The following PTK2B variants were observed in gnomAD, a reference collection of about 807,000 sequenced individuals.
The protein encoded by PTK2B is protein-tyrosine kinase 2-beta.
In PTK2B, 71 loss-of-function variants were observed where a neutral mutation model predicts 142.9. The ratio of observed to expected loss-of-function variants is 0.50; its 90% CI spans 0.41 to 0.61. PTK2B has a LOEUF of 0.61. Ranked by LOEUF, PTK2B falls within the 20% of genes least tolerant of loss-of-function variation. The pLI, the probability that PTK2B is intolerant of heterozygous loss-of-function variation, is 0.00. For synonymous variants in PTK2B, 519 were observed against 503.4 expected, an observed-to-expected ratio of 1.03 and a Z score of -0.42; for missense variants, 1,105 against 1,320.4, an observed-to-expected ratio of 0.84 and a Z score of 2.53.
chr8:27,311,473 C>T (rs745762213), upstream of PTK2B: 3 of 577,404 alleles, frequency 5.2e-6, no homozygotes, highest in Admixed American at 3.6e-5. Flanking sequence ...CGGGGTGGGC[C>T]TTCTGCCCGC....
At chr8:27,425,902 C>T (rs545036412) in intron 5 of PTK2B, among the ~76,000 whole-genome samples, 1 of 152,184 alleles carries the variant, frequency 6.6e-6, no homozygotes, top group African/African-American at 2.4e-5. Flanking sequence ...ATTGGAGGTG[C>T]TTTATAAATG....
rs2241655 is a variant in PTK2B, at chr8:27,440,077, G to A, written c.1835-160G>A. 0.43 allele frequency among the ~76,000 whole-genome samples: 65,280 copies of A among 151,962 alleles called. 14,792 individuals are homozygous for A. Among genetic ancestry groups the A allele is most frequent in the African/African-American group, 0.56 (23,204 of 41,414 alleles). ...TGCAGAGGTAGGTCACTTGTCCCTC[G>A]GGCAGACCACCATGGTAGGCAGGAC... On this transcript the variant is annotated intron_variant, in intron 20 of 30. Coordinates refer to ENST00000346049, the MANE Select transcript of PTK2B (RefSeq NM_173176.3).
rs942254707 is a variant in PTK2B at position 27,432,377 on chromosome 8, C to T, written c.987+16C>T. On this transcript the variant is annotated intron_variant, in intron 10 of 30. Coordinates refer to ENST00000346049, the MANE Select transcript of PTK2B (RefSeq NM_173176.3). ...TGCCCCCCAGGTGAGTGTCTCTGGG[C>T]ACTGGGCACCTGGCAGCTCTGCAGG... The T allele has an allele frequency of 1.8e-5, 29 of 1,609,266 alleles. No individual in the cohort carries two copies. Among genetic ancestry groups the T allele is most frequent in the Non-Finnish European group, 2.5e-5 (29 of 1,176,564 alleles).
chr8:27,345,664 C>T (rs907888709), intron 1 of PTK2B, among the ~76,000 whole-genome samples: 3 of 152,184 alleles, frequency 2.0e-5, no homozygotes, highest in Admixed American at 6.5e-5. Context: ...ACCCAGTAAC[C>T]TATTTGTGCA....
intron 1 of PTK2B, among the ~76,000 whole-genome samples, chr8:27,368,071 CTG>C (rs1806124634): frequency 6.6e-6 from 1 of 152,238 alleles, no homozygotes; most frequent in African/African-American, 2.4e-5. Context: ...GGATGGGCCT[CTG>C]TGGGCCCAAA....
At chr8:27,359,485 G>A (rs893488691) in intron 1 of PTK2B, among the ~76,000 whole-genome samples, 95 of 152,232 alleles carry the variant, frequency 6.2e-4, no homozygotes, top group African/African-American at 2.2e-3. Flanking sequence ...AATCTATAAC[G>A]TGCATCTGCT....
chr8:27,331,223 CT>C (rs1803729935), intron 1 of PTK2B, among the ~76,000 whole-genome samples: 2 of 152,164 alleles, frequency 1.3e-5, no homozygotes. Context: ...GGCAGACCCC[CT>C]TTTAATGCCC....
At chr8:27,412,076 C>G (rs926493202) in intron 2 of PTK2B, among the ~76,000 whole-genome samples, 2 of 152,226 alleles carry the variant, frequency 1.3e-5, no homozygotes, top group Non-Finnish European at 2.9e-5. Context: ...CCTCCAGACA[C>G]ACCAACAAGA....
intron 2 of PTK2B, among the ~76,000 whole-genome samples, chr8:27,400,126 T>C (rs973435433): frequency 2.0e-5 from 3 of 152,230 alleles, no homozygotes; most frequent in Non-Finnish European, 2.9e-5. Flanking sequence ...TATGATCAGA[T>C]TTGTGTTCTA....
At chr8:27,355,200 GA>G (rs1346262970) in intron 1 of PTK2B, among the ~76,000 whole-genome samples, 2 of 152,328 alleles carry the variant, frequency 1.3e-5, no homozygotes, top group East Asian at 3.9e-4. Context: ...GTGGAATGGG[GA>G]GATTATCTTG....
chr8:27,432,223 G>A (rs1355802025), intron 9 of PTK2B, 37 bp from the exon 10 acceptor site: 1 of 1,598,018 alleles, frequency 6.3e-7, no homozygotes. Flanking sequence ...AGTCCTGGTA[G>A]TGGGATGGTC....
At chr8:27,432,064 A>C in intron 9 of PTK2B, 196 bp from the exon 10 acceptor site, 2 of 515,126 alleles carry the variant, frequency 3.9e-6, no homozygotes, top group Non-Finnish European at 7.0e-6. Flanking sequence ...TCTTCTTCCA[A>C]TGTGGCCCAG....
chr8:27,337,807 A>C (rs747139718), intron 1 of PTK2B, among the ~76,000 whole-genome samples: 3 of 152,224 alleles, frequency 2.0e-5, no homozygotes, highest in Non-Finnish European at 4.4e-5. Context: ...TGACCATTGT[A>C]AGTACTGCTG....
At chr8:27,310,791 C>A (rs1304440143), upstream of PTK2B, 2 of 1,572,692 alleles carry the variant, frequency 1.3e-6, no homozygotes, top group East Asian at 2.3e-5. Context: ...GTGCAAATCG[C>A]TGCTCTTACC....
intron 1 of PTK2B, among the ~76,000 whole-genome samples, chr8:27,381,029 A>G (rs1418475458): frequency 6.6e-6 from 1 of 152,118 alleles, no homozygotes; most frequent in African/African-American, 2.4e-5. Context: ...TGGCTAAGAG[A>G]GTTGATTTTT....
chr8:27,385,362 G>C (rs753349885), intron 1 of PTK2B, among the ~76,000 whole-genome samples: 2 of 152,218 alleles, frequency 1.3e-5, no homozygotes, highest in Non-Finnish European at 2.9e-5. Context: ...GGCACTGCCA[G>C]ACACTCTGGG....
chr8:27,447,757 G>A (rs1811557895), intron 24 of PTK2B, among the ~76,000 whole-genome samples: 1 of 152,214 alleles, frequency 6.6e-6, no homozygotes, highest in Non-Finnish European at 1.5e-5. Flanking sequence ...CTACTCAGGA[G>A]GCTGAGGCAG....
At chr8:27,439,180 G>A in intron 19 of PTK2B, 49 bp downstream of exon 19, 1 of 1,586,352 alleles carries the variant, frequency 6.3e-7, no homozygotes, top group Non-Finnish European at 8.7e-7. Flanking sequence ...GGTCGCTGAA[G>A]CCAAAAATTC....
chr8:27,310,774 C>T, upstream of PTK2B: 1 of 1,544,824 alleles, frequency 6.5e-7, no homozygotes, highest in African/African-American at 1.4e-5. Flanking sequence ...CCCGGCTCGG[C>T]CGCCTCGTGC....
Sources: allele counts gnomAD v4.1 joint callset (sites outside exome capture counted in the v4.1 genomes callset), GRCh38; gene constraint gnomAD v4.1.1; transcripts MANE v1.5; gene names NCBI Gene and HGNC (gene_info 2026-07-23, HGNC 2026-07-21).